MALRD1: variants seen among roughly 807,000 people sequenced by gnomAD.
The protein encoded by MALRD1 is MAM and LDL receptor class A domain containing 1.
MALRD1 carries 247 observed loss-of-function variants against 242.1 expected under a neutral mutation model. The ratio of observed to expected loss-of-function variants is 1.02; its 90% CI spans 0.92 to 1.13. The LOEUF is 1.13. Among genes scored for constraint, MALRD1 ranks in the 50% most tolerant of loss-of-function variants. The probability of loss-of-function intolerance (pLI) is 0.00; values close to 1 mark genes in which losing one functional copy is unlikely to be tolerated. For synonymous variants in MALRD1, 995 were observed against 866.6 expected, an observed-to-expected ratio of 1.15 and a Z score of -2.60; for missense variants, 2,989 against 2,533.1, an observed-to-expected ratio of 1.18 and a Z score of -3.86.
At chr10:19,486,452 T>C (rs1837241706) in intron 29 of MALRD1, among the ~76,000 whole-genome samples, 1 of 152,200 alleles carries the variant, frequency 6.6e-6, no homozygotes, top group Non-Finnish European at 1.5e-5. Flanking sequence ...AAAGTTCTCT[T>C]GTACTTGGAA....
intron 26 of MALRD1, among the ~76,000 whole-genome samples, chr10:19,385,185 G>A (rs1463471520): frequency 6.6e-6 from 1 of 151,914 alleles, no homozygotes; most frequent in Non-Finnish European, 1.5e-5. Context: ...GAGGATTTTT[G>A]CATCCATATT....
chr10:19,103,776 T>C (rs1399802112), intron 4 of MALRD1, among the ~76,000 whole-genome samples: 2 of 152,132 alleles, frequency 1.3e-5, no homozygotes, highest in African/African-American at 4.8e-5. Context: ...TGCCAGACAT[T>C]TGAGATACAG....
intron 21 of MALRD1, among the ~76,000 whole-genome samples, chr10:19,299,897 A>C (rs1841870451): frequency 6.6e-6 from 1 of 152,094 alleles, no homozygotes; most frequent in East Asian, 1.9e-4. Flanking sequence ...CAAATAAAAA[A>C]GGCATCTGAA....
At chr10:19,325,006 CTTTT>C (rs34290618) in intron 22 of MALRD1, among the ~76,000 whole-genome samples, 41 of 77,954 alleles carry the variant, frequency 5.3e-4, no homozygotes, top group Admixed American at 1.0e-3. Context: ...TCAGTAGTTG[CTTTT>C]TTTTTTTTTT....
At chr10:19,263,772 T>C (rs1839856951) in intron 19 of MALRD1, among the ~76,000 whole-genome samples, 1 of 152,176 alleles carries the variant, frequency 6.6e-6, no homozygotes, top group African/African-American at 2.4e-5. Flanking sequence ...CTGTGCTTTC[T>C]ATTATGCTCC....
intron 29 of MALRD1, among the ~76,000 whole-genome samples, chr10:19,460,752 CTG>C (rs1224836496): frequency 6.6e-6 from 1 of 152,034 alleles, no homozygotes; most frequent in Non-Finnish European, 1.5e-5. Context: ...ATGTTTAAGG[CTG>C]TTGAATTTTG....
intron 1 of MALRD1, among the ~76,000 whole-genome samples, chr10:19,061,881 T>C (rs1834832688): frequency 6.6e-6 from 1 of 152,192 alleles, no homozygotes; most frequent in South Asian, 2.1e-4. Flanking sequence ...TAAAGATTTA[T>C]TCAATATGAC....
At chr10:19,460,053 C>T (rs1349401930) in intron 29 of MALRD1, among the ~76,000 whole-genome samples, 1 of 151,914 alleles carries the variant, frequency 6.6e-6, no homozygotes, top group Non-Finnish European at 1.5e-5. Context: ...TCAGTAGGAC[C>T]ATTGCATAGA....
At chr10:19,183,993 G>T (rs1447712917) in intron 14 of MALRD1, among the ~76,000 whole-genome samples, 5 of 152,114 alleles carry the variant, frequency 3.3e-5, no homozygotes, top group East Asian at 1.9e-4. Flanking sequence ...TAACTGAAGG[G>T]CTGAAAAACC....
intron 28 of MALRD1, among the ~76,000 whole-genome samples, chr10:19,390,088 C>T (rs1482070223): frequency 6.6e-6 from 1 of 152,150 alleles, no homozygotes; most frequent in Non-Finnish European, 1.5e-5. Context: ...ACATGAGAAC[C>T]AGCTTTGAGT....
At position 19,579,245 on chromosome 10, in the gene MALRD1, T is replaced by C. The variant is rs117009539; in HGVS notation, c.5680+11542T>C. Among the ~76,000 whole-genome samples the C allele has an allele frequency of 2.9e-3, 445 of 152,210 alleles. 2 individuals are homozygous for C. The highest frequency in any genetic ancestry group is 0.02 in the East Asian group (103 of 5,154). On this transcript the variant is annotated intron_variant, in intron 33 of 39. Transcript: ENST00000454679. ...CACCTGGAAGGTCTCTAATAGACAA[T>C]TGTAGAATAATATCTGAGTCTTGAG... is the stretch of plus-strand genomic sequence containing the variant.
At chr10:19,116,485 A>G (rs1836873983) in intron 5 of MALRD1, among the ~76,000 whole-genome samples, 1 of 152,208 alleles carries the variant, frequency 6.6e-6, no homozygotes, top group Non-Finnish European at 1.5e-5. Flanking sequence ...ATCCACTACA[A>G]ATAAGGATAA....
intron 18 of MALRD1, among the ~76,000 whole-genome samples, chr10:19,211,677 C>T (rs1031254420): frequency 1.4e-5 from 1 of 69,420 alleles, no homozygotes; most frequent in Non-Finnish European, 2.4e-5. Flanking sequence ...CAAAGCATGA[C>T]TCCTCACAAA....
intron 38 of MALRD1, among the ~76,000 whole-genome samples, chr10:19,723,284 T>G (rs1270622156): frequency 1.3e-5 from 2 of 152,232 alleles, no homozygotes; most frequent in Non-Finnish European, 2.9e-5. Flanking sequence ...TGCATTGTAA[T>G]TATCCTAATT....
chr10:19,464,873 C>T (rs960720283), intron 29 of MALRD1, among the ~76,000 whole-genome samples: 2 of 152,090 alleles, frequency 1.3e-5, no homozygotes, highest in South Asian at 2.1e-4. Context: ...TTTGTGTTGC[C>T]TGTAATTGCT....
chr10:19,085,794 T>C (rs1835650123), intron 2 of MALRD1, among the ~76,000 whole-genome samples: 1 of 152,028 alleles, frequency 6.6e-6, no homozygotes, highest in Non-Finnish European at 1.5e-5. Flanking sequence ...AAAATATATA[T>C]GAATAATTTA....
chr10:19,199,707 A>G (rs1315409537), intron 14 of MALRD1, among the ~76,000 whole-genome samples: 1 of 152,040 alleles, frequency 6.6e-6, no homozygotes, highest in Non-Finnish European at 1.5e-5. Context: ...AAGCTGAGGC[A>G]TGAGAATTGC....
Position 19,389,541 on chromosome 10 carries a change from G to C in MALRD1, c.4777G>C (p.Ala1593Pro), listed in dbSNP as rs1317091968. 7.1e-6 allele frequency: 11 copies of C among 1,550,622 alleles called. No homozygotes were observed. The highest frequency in any genetic ancestry group is 9.6e-6 in the Non-Finnish European group (11 of 1,146,992). ...RSTMWRESSAACTMSFWYFVS... is the reference protein window; with the variant it reads ...RSTMWRESSAPCTMSFWYFVS... ...TACCATGTGGCGAGAATCCAGTGCAGCCTGCACCATGAGCTTCTGGTATTT... is the reference window on the plus strand; with the variant it reads ...TACCATGTGGCGAGAATCCAGTGCACCCTGCACCATGAGCTTCTGGTATTT... Residue 1593 changes from alanine to proline, a missense_variant, in exon 28 of 40, where the codon GCC becomes CCC. Transcript: ENST00000454679.
chr10:19,587,911 G>GTT lies in MALRD1; in HGVS notation c.5681-7272_5681-7271dup, dbSNP rs11430007. ...AGTTCCTAAATTCCTTATCCTAGGT[G>GTT]TTTTTTTTTTTTCTTAAATATTTTC... On this transcript the variant is annotated intron_variant, in intron 33 of 39. Transcript: ENST00000454679. Among the ~76,000 whole-genome samples, 1,197 of 145,758 alleles carry GTT rather than the reference G, an allele frequency of 8.2e-3. 6 individuals are homozygous for GTT. The highest frequency in any genetic ancestry group is 0.023 in the South Asian group (107 of 4,648).
Sources: allele counts gnomAD v4.1 joint callset (sites outside exome capture counted in the v4.1 genomes callset), GRCh38; gene constraint gnomAD v4.1.1; transcripts MANE v1.5; gene names NCBI Gene and HGNC (gene_info 2026-07-23, HGNC 2026-07-21).